The following SLC4A10 variants were observed in gnomAD, a reference collection of about 807,000 sequenced individuals.
SLC4A10 encodes solute carrier family 4 member 10.
In SLC4A10, 42 loss-of-function variants were observed where a neutral mutation model predicts 137.7. The ratio of observed to expected loss-of-function variants is 0.30; its 90% CI spans 0.24 to 0.39. The LOEUF (loss-of-function observed/expected upper bound fraction) is 0.39. Ranked by LOEUF, SLC4A10 falls within the 10% of genes least tolerant of loss-of-function variation. The probability of loss-of-function intolerance (pLI) is 1.00; values close to 1 mark genes in which losing one functional copy is unlikely to be tolerated. For missense variants in SLC4A10, 925 were observed against 1,355.0 expected, an observed-to-expected ratio of 0.68 and a Z score of 4.98; for synonymous variants, 474 against 464.1, an observed-to-expected ratio of 1.02 and a Z score of -0.27.
chr2:161,627,606 A>G (rs778849516), intron 1 of SLC4A10, among the ~76,000 whole-genome samples: 5 of 152,130 alleles, frequency 3.3e-5, no homozygotes, highest in Admixed American at 3.3e-4. Context: ...ATACGGGCAG[A>G]GGAGGCCTAG....
chr2:161,682,389 A>G (rs752570515), intron 1 of SLC4A10, among the ~76,000 whole-genome samples: 5 of 152,128 alleles, frequency 3.3e-5, no homozygotes, highest in Non-Finnish European at 5.9e-5. Flanking sequence ...ATTTATGCTT[A>G]TGAGAATCGT....
At chr2:161,755,595 T>C (rs528822334) in intron 1 of SLC4A10, among the ~76,000 whole-genome samples, 15 of 152,296 alleles carry the variant, frequency 9.8e-5, no homozygotes, top group African/African-American at 3.6e-4. Context: ...CTTGGGAGCA[T>C]TGAAAGTTTT....
intron 1 of SLC4A10, among the ~76,000 whole-genome samples, chr2:161,643,787 G>GA: frequency 6.6e-6 from 1 of 152,156 alleles, no homozygotes; most frequent in South Asian, 2.1e-4. Context: ...AGTCATTTAA[G>GA]AAAAACTTCT....
chr2:161,693,995 T>G (rs1416730570), intron 1 of SLC4A10, among the ~76,000 whole-genome samples: 4 of 151,990 alleles, frequency 2.6e-5, no homozygotes, highest in African/African-American at 9.7e-5. Flanking sequence ...ACTCAAAACT[T>G]GGCACATTCA....
At chr2:161,767,139 ATGTGTG>A (rs1245094195) in intron 1 of SLC4A10, among the ~76,000 whole-genome samples, 34 of 57,122 alleles carry the variant, frequency 6.0e-4, no homozygotes, top group South Asian at 1.8e-3. Flanking sequence ...ATATATATAT[ATGTGTG>A]TGTGTGTGTG....
chr2:161,928,200 T>G (rs1410654121), intron 15 of SLC4A10, among the ~76,000 whole-genome samples: 2 of 148,892 alleles, frequency 1.3e-5, no homozygotes, highest in Non-Finnish European at 3.0e-5. Flanking sequence ...CCATAAAAAA[T>G]GATGAGTTCA....
chr2:161,942,116 G>C (rs888642664), intron 15 of SLC4A10, among the ~76,000 whole-genome samples: 1 of 152,034 alleles, frequency 6.6e-6, no homozygotes, highest in Non-Finnish European at 1.5e-5. Context: ...ATGGCAATTC[G>C]GTTCTATAGT....
rs60022977 is a variant in SLC4A10 at position 161,694,472 on chromosome 2, T to TA, written c.48+69919dup. ...AAATTCAGAGACTACAGCAGATTGT[T>TA]AAAAAAAAAAAAAGGAATAAAGCCT... On this transcript the variant is annotated intron_variant, in intron 1 of 26. Transcript: ENST00000446997. Among the ~76,000 whole-genome samples the TA allele has an allele frequency of 0.014, 2,064 of 146,926 alleles. 74 individuals carry two copies. In the East Asian group the frequency reaches 0.14, roughly 10 times the overall value.
chr2:161,962,750 G>A (rs1696939220), intron 21 of SLC4A10, among the ~76,000 whole-genome samples: 2 of 152,136 alleles, frequency 1.3e-5, no homozygotes, highest in South Asian at 4.1e-4. Context: ...GCCATGTCAT[G>A]CCATAAGACA....
intron 19 of SLC4A10, among the ~76,000 whole-genome samples, chr2:161,952,274 C>T (rs1013492748): frequency 1.3e-5 from 2 of 152,142 alleles, no homozygotes; most frequent in Non-Finnish European, 2.9e-5. Flanking sequence ...CCCTTTCAAC[C>T]TTATAAATCA....
chr2:161,811,747 C>T (rs1351768865), intron 3 of SLC4A10, among the ~76,000 whole-genome samples: 1 of 151,924 alleles, frequency 6.6e-6, no homozygotes, highest in Non-Finnish European at 1.5e-5. Flanking sequence ...TAGCTGAAAC[C>T]TTTCTTCCTA....
chr2:161,852,892 T>G (rs951631375), intron 4 of SLC4A10, among the ~76,000 whole-genome samples: 3 of 152,202 alleles, frequency 2.0e-5, no homozygotes, highest in Non-Finnish European at 4.4e-5. Context: ...CCAGAGAAGT[T>G]AAAAGACTTT....
chr2:161,818,997 G>A (rs2057376863), intron 3 of SLC4A10, among the ~76,000 whole-genome samples: 1 of 152,172 alleles, frequency 6.6e-6, no homozygotes, highest in South Asian at 2.1e-4. Flanking sequence ...CTCATAAAAT[G>A]AGTTAGGGAG....
At chr2:161,846,103 A>G (rs1350429510) in intron 4 of SLC4A10, among the ~76,000 whole-genome samples, 3 of 152,200 alleles carry the variant, frequency 2.0e-5, no homozygotes, top group African/African-American at 7.2e-5. Flanking sequence ...TGTAGAACAT[A>G]TAAAGAACTC....
In SLC4A10 at chr2:161,804,483, C is replaced by T; in HGVS notation, c.165C>T (p.Pro55=). The change falls in exon 3 of 27, where the codon CCC becomes CCT. Residue 55 remains proline, a synonymous_variant. Coordinates refer to ENST00000446997, the MANE Select transcript of SLC4A10 (RefSeq NM_001178015.2). The stretch of plus-strand genomic sequence containing the variant: ...CACTATTTATTGGAGTACATGTGCC[C>T]TTGGGAGGAAGAAAAAGCCATCGAC... ...HRTLFIGVHV[P]LGGRKSHRRH... is the part of the protein sequence containing the mutation. 3 of 1,612,880 alleles carry T rather than the reference C, an allele frequency of 1.9e-6. No homozygotes were observed. The highest frequency in any genetic ancestry group is 1.7e-6 in the Non-Finnish European group (2 of 1,179,284).
At chr2:161,953,638 A>C (rs1259848897) in intron 19 of SLC4A10, among the ~76,000 whole-genome samples, 1 of 152,078 alleles carries the variant, frequency 6.6e-6, no homozygotes, top group Non-Finnish European at 1.5e-5. Flanking sequence ...TCATTTCATG[A>C]GTGTCACTAT....
chr2:161,846,206 T>TAGCA (rs756480306), intron 4 of SLC4A10, among the ~76,000 whole-genome samples: 21 of 152,136 alleles, frequency 1.4e-4, no homozygotes, highest in Non-Finnish European at 2.8e-4. Context: ...ATATGGCGAA[T>TAGCA]AGCACATGGA....
intron 1 of SLC4A10, among the ~76,000 whole-genome samples, chr2:161,755,923 C>T (rs2049582709): frequency 6.6e-6 from 1 of 152,030 alleles, no homozygotes; most frequent in Non-Finnish European, 1.5e-5. Flanking sequence ...GCCTGTGCCA[C>T]CATGCCCAGC....
chr2:161,698,987 C>A (rs1024335505), intron 1 of SLC4A10, among the ~76,000 whole-genome samples: 1 of 151,962 alleles, frequency 6.6e-6, no homozygotes, highest in Non-Finnish European at 1.5e-5. Flanking sequence ...AATTTCAGAG[C>A]CTGTTATTGG....
Sources: allele counts gnomAD v4.1 joint callset (sites outside exome capture counted in the v4.1 genomes callset), GRCh38; gene constraint gnomAD v4.1.1; transcripts MANE v1.5; gene names NCBI Gene and HGNC (gene_info 2026-07-23, HGNC 2026-07-21).